Variants in ACADSB observed in about 807,000 individuals in gnomAD.
The protein encoded by ACADSB is acyl-CoA dehydrogenase short/branched chain, also known as short/branched chain specific acyl-CoA dehydrogenase, mitochondrial.
A neutral mutation model predicts 54.1 loss-of-function variants in ACADSB; 40 were observed. The observed-to-expected ratio is 0.74, with a 90% CI of 0.57 to 0.96. The LOEUF (loss-of-function observed/expected upper bound fraction) is 0.96. ACADSB is among the 40% of genes least tolerant of loss of function. The pLI, the probability that ACADSB is intolerant of heterozygous loss-of-function variation, is 0.00. For missense variants in ACADSB, 530 were observed against 510.4 expected (o/e 1.04, Z -0.37); for synonymous variants, 182 against 182.8 (o/e 1.00, Z 0.03).
At chr10:123,034,954 T>TC (rs1489157459) in intron 2 of ACADSB, among the ~76,000 whole-genome samples, 1 of 151,516 alleles carries the variant, frequency 6.6e-6, no homozygotes, top group African/African-American at 2.4e-5. Context: ...TTTCTTTTTT[T>TC]TCTTTTTTTT....
In ACADSB at chr10:123,034,576, T is replaced by C. The variant is rs142365135; in HGVS notation, c.202+61T>C. 3.8e-5 allele frequency: 59 copies of C among 1,560,132 alleles called. No individual in the cohort carries two copies. The East Asian group carries it at 1.3e-3, about 35-fold the overall frequency. On this transcript the variant is annotated intron_variant, in intron 2 of 10. Coordinates refer to ENST00000358776, the MANE Select transcript of ACADSB (RefSeq NM_001609.4). ...AGACAGGATCTCTGGAGCATAGTGG[T>C]GCAATCATGGCTCACTGCAGCCCCA... is the stretch of plus-strand genomic sequence containing the variant.
At chr10:123,030,482 G>T (rs1358783215) in intron 1 of ACADSB, among the ~76,000 whole-genome samples, 1 of 145,034 alleles carries the variant, frequency 6.9e-6, no homozygotes, top group Non-Finnish European at 1.5e-5. Flanking sequence ...AACTGAGATC[G>T]TACCATTGCA....
Position 123,052,136 on chromosome 10 carries a change from G to A in ACADSB, c.1129-925G>A, listed in dbSNP as rs575294019. Among the ~76,000 whole-genome samples the A allele has an allele frequency of 6.6e-6, 1 of 152,160 alleles. No individual in the cohort carries two copies. Among genetic ancestry groups the A allele is most frequent in the Admixed American group, 6.5e-5 (1 of 15,268 alleles). On this transcript the variant is annotated intron_variant, in intron 9 of 10. Coordinates refer to ENST00000358776, the MANE Select transcript of ACADSB (RefSeq NM_001609.4). The surrounding 1 kb of genome is among the most constrained non-coding windows in gnomAD (Gnocchi z 4.2). ...TCAGTGGCTTCTCACAACAAATGGA[G>A]CTCTATCTGTACTAGATTCCAATTG...
chr10:123,051,895 C>T (rs1850638146), intron 9 of ACADSB, among the ~76,000 whole-genome samples: 1 of 152,132 alleles, frequency 6.6e-6, no homozygotes, highest in African/African-American at 2.4e-5. Context: ...ATCTTGGCAC[C>T]CTGCTTTCCC....
chr10:123,010,258 C>T (rs1380233920), intron 1 of ACADSB, among the ~76,000 whole-genome samples: 1 of 152,242 alleles, frequency 6.6e-6, no homozygotes, highest in South Asian at 2.1e-4. Flanking sequence ...GTAGTTTAAT[C>T]TTGCAGATGC....
At position 123,055,555 on chromosome 10, in the gene ACADSB, A is replaced by G. The variant is rs1375339584; in HGVS notation, c.*1790A>G. The G allele has an allele frequency of 6.6e-6, 1 of 152,178 alleles. No homozygotes were observed. The highest frequency in any genetic ancestry group is 1.5e-5 in the Non-Finnish European group (1 of 68,048). 9.4% of individuals were successfully genotyped at this position (152,178 alleles called of 1,614,324 possible). A position where few individuals can be genotyped will look rare whatever the true frequency, so the allele number is the denominator to read the frequency against. ...AATCATGCCTTCCCAACAGTCCCCC[A>G]AAGTCTTAACTCATTTCAGCATTAA... On this transcript the variant is annotated 3_prime_UTR_variant, in exon 11 of 11. Coordinates refer to ENST00000358776, the MANE Select transcript of ACADSB (RefSeq NM_001609.4).
At chr10:123,012,527 T>C (rs9423308) in intron 1 of ACADSB, among the ~76,000 whole-genome samples, 86,840 of 151,878 alleles carry the variant, frequency 0.57, 26,327 homozygotes, top group Non-Finnish European at 0.69. Context: ...GCGGTGTGTC[T>C]GGAGTTTGTT....
intron 1 of ACADSB, among the ~76,000 whole-genome samples, chr10:123,026,390 G>A (rs1178494176): frequency 6.6e-6 from 1 of 152,126 alleles, no homozygotes; most frequent in African/African-American, 2.4e-5. Flanking sequence ...TAACCTGGTT[G>A]GTTAGAGAAG....
Position 123,055,205 on chromosome 10 carries a change from C to A in ACADSB, c.*1440C>A. On this transcript the variant is annotated 3_prime_UTR_variant, in exon 11 of 11. Transcript: ENST00000358776. ...AGGAAGAAAAAGAGGTTTAATTGGA[C>A]TTACAGTTCCACATGACTGGGGAGG... The A allele has an allele frequency of 5.7e-6, 1 of 175,124 alleles. No homozygotes were observed. Among genetic ancestry groups the A allele is most frequent in the Admixed American group, 6.3e-5 (1 of 15,946 alleles). The allele number at this position is 175,124 out of a possible 1,614,324, so 10.8% of individuals were successfully genotyped here.
At chr10:123,047,355 GA>G in intron 8 of ACADSB, 57 bp downstream of exon 8, 1 of 1,223,866 alleles carries the variant, frequency 8.2e-7, no homozygotes, top group Non-Finnish European at 1.2e-6. Flanking sequence ...TCCTGTTAAT[GA>G]AGGGCTGTGT....
intron 3 of ACADSB, among the ~76,000 whole-genome samples, 153 bp from the exon 4 acceptor site, chr10:123,040,313 T>C (rs1468885358): frequency 2.0e-5 from 3 of 151,778 alleles, no homozygotes; most frequent in Admixed American, 2.0e-4. Flanking sequence ...ATTGCGCCAT[T>C]GCACTCCAGC....
chr10:123,041,966 C>CTTTTTT (rs373340179), intron 5 of ACADSB, among the ~76,000 whole-genome samples: 3 of 132,696 alleles, frequency 2.3e-5, no homozygotes, highest in Admixed American at 7.8e-5. Context: ...TTTTTCTTTT[C>CTTTTTT]TTTTTTTTTT....
At chr10:123,010,642 C>T (rs1431621860) in intron 1 of ACADSB, among the ~76,000 whole-genome samples, 2 of 151,976 alleles carry the variant, frequency 1.3e-5, no homozygotes, top group African/African-American at 4.8e-5. Flanking sequence ...TGTGCGTATT[C>T]CAAAATTGTT....
In ACADSB at chr10:123,009,085, A is replaced by C. The variant is rs754696589; in HGVS notation, c.42+14A>C. 55 of 1,544,896 alleles carry C rather than the reference A, an allele frequency of 3.6e-5. No homozygotes were observed. Among genetic ancestry groups the C allele is most frequent in the Non-Finnish European group, 4.6e-5 (53 of 1,146,610 alleles). On this transcript the variant is annotated intron_variant, in intron 1 of 10. Coordinates refer to ENST00000358776, the MANE Select transcript of ACADSB (RefSeq NM_001609.4). ...GGCAGCAGGCTGGTGAGTGCGTTCGAGGCTGGCGTCCTGGGGGCCCAGGGC... is the reference window on the plus strand; with the variant it reads ...GGCAGCAGGCTGGTGAGTGCGTTCGCGGCTGGCGTCCTGGGGGCCCAGGGC...
intron 1 of ACADSB, among the ~76,000 whole-genome samples, chr10:123,031,667 T>C (rs1850329064): frequency 6.6e-6 from 1 of 152,180 alleles, no homozygotes; most frequent in Non-Finnish European, 1.5e-5. Context: ...TGCCGAAAAA[T>C]GTTAGGTAAT....
intron 2 of ACADSB, among the ~76,000 whole-genome samples, chr10:123,035,236 G>C (rs180965705): frequency 6.6e-6 from 1 of 152,022 alleles, no homozygotes; most frequent in Admixed American, 6.6e-5. Context: ...GATTACAGGC[G>C]TGAGCCACCA....
intron 2 of ACADSB, among the ~76,000 whole-genome samples, chr10:123,036,965 G>A (rs1222400766): frequency 6.6e-6 from 1 of 152,192 alleles, no homozygotes; most frequent in Non-Finnish European, 1.5e-5. Flanking sequence ...ACTTAAGAAG[G>A]TGTTTTCATC....
chr10:123,023,039 T>A (rs1850204291), intron 1 of ACADSB, among the ~76,000 whole-genome samples: 1 of 152,236 alleles, frequency 6.6e-6, no homozygotes, highest in Admixed American at 6.5e-5. Flanking sequence ...GAACATCCAG[T>A]GCTCACCTAA....
Position 123,034,539 on chromosome 10 carries a change from CT to C in ACADSB, c.202+29del, listed in dbSNP as rs545951623. The C allele has an allele frequency of 4.0e-5, 64 of 1,597,406 alleles. No homozygotes were observed. The African/African-American group carries it at 8.1e-4, about 20-fold the overall frequency. ...AGGTAAGTAAATTTATCAGTGTCAC[CT>C]TTTTCTCCCCAGACAGGATCTCTGG... On this transcript the variant is annotated intron_variant, in intron 2 of 10. Transcript: ENST00000358776.
Sources: gnomAD v4.1 joint callset for allele counts (sites outside exome capture counted in the v4.1 genomes callset) on GRCh38, gnomAD v4.1.1 for gene constraint, Gnocchi (gnomAD v3.1) non-coding constraint, MANE v1.5 for transcripts, NCBI Gene and HGNC (gene_info 2026-07-23, HGNC 2026-07-21) for gene names.